Variants in CSMD1 observed in about 807,000 individuals in gnomAD.
The protein encoded by CSMD1 is CUB and sushi domain-containing protein 1.
A neutral mutation model predicts 417.5 loss-of-function variants in CSMD1; 213 were observed. That is an observed-to-expected ratio of 0.51 (90% confidence interval 0.46 to 0.57). CSMD1 has a LOEUF of 0.57. Ranked by LOEUF, CSMD1 falls within the 20% of genes least tolerant of loss-of-function variation. CSMD1 has a pLI of 0.00. For missense variants in CSMD1, 6,923 were observed against 4,529.7 expected (o/e 1.53, Z -15.17); for synonymous variants, 2,862 against 1,736.8 (o/e 1.65, Z -16.11).
intron 11 of CSMD1, among the ~76,000 whole-genome samples, chr8:3,490,510 G>A (rs1045027826): frequency 5.9e-5 from 9 of 152,124 alleles, no homozygotes; most frequent in Admixed American, 3.9e-4. Flanking sequence ...TAAATTAGGT[G>A]TTTTGGTAAT....
intron 7 of CSMD1, among the ~76,000 whole-genome samples, chr8:3,678,272 G>C (rs938981101): frequency 6.6e-6 from 1 of 152,112 alleles, no homozygotes; most frequent in Non-Finnish European, 1.5e-5. Flanking sequence ...CCATCGCAAA[G>C]AAGTTAAAAA....
intron 5 of CSMD1, among the ~76,000 whole-genome samples, chr8:3,786,967 C>T (rs957187341): frequency 6.6e-6 from 1 of 152,124 alleles, no homozygotes; most frequent in East Asian, 1.9e-4. Flanking sequence ...ATTCAATCCT[C>T]ATCATCTAGA....
At chr8:4,529,247 G>C (rs1219199092) in intron 2 of CSMD1, among the ~76,000 whole-genome samples, 1 of 152,044 alleles carries the variant, frequency 6.6e-6, no homozygotes, top group Non-Finnish European at 1.5e-5. Context: ...TTCTTATTCT[G>C]TTCGGAGTGG....
chr8:4,727,945 T>TATATATATGTATATATATACAAA (rs1281271460), intron 1 of CSMD1, among the ~76,000 whole-genome samples: 1 of 88,688 alleles, frequency 1.1e-5, no homozygotes, highest in Non-Finnish European at 2.2e-5. Flanking sequence ...ATATACAAAA[T>TATATATATGTATATATATACAAA]ATATATATGT....
chr8:4,405,467 G>T (rs766582824), intron 3 of CSMD1, among the ~76,000 whole-genome samples: 1 of 152,054 alleles, frequency 6.6e-6, no homozygotes, highest in African/African-American at 2.4e-5. Context: ...ATCTATAGTT[G>T]TGTTTGAAAG....
At chr8:4,405,383 A>G (rs955167506) in intron 3 of CSMD1, among the ~76,000 whole-genome samples, 5 of 152,094 alleles carry the variant, frequency 3.3e-5, no homozygotes, top group African/African-American at 1.2e-4. Context: ...GGCACAAACT[A>G]CTTGTTACCT....
intron 3 of CSMD1, among the ~76,000 whole-genome samples, chr8:4,049,864 T>G (rs1472818099): frequency 6.6e-6 from 1 of 151,950 alleles, no homozygotes; most frequent in Non-Finnish European, 1.5e-5. Flanking sequence ...CACTAAAGTC[T>G]TATTGAATTA....
chr8:4,544,509 T>A (rs17070576), intron 2 of CSMD1, among the ~76,000 whole-genome samples: 1 of 152,016 alleles, frequency 6.6e-6, no homozygotes, highest in Non-Finnish European at 1.5e-5. Flanking sequence ...ATATGTTACA[T>A]TGGGATCCAC....
chr8:4,627,939 A>C (rs956798326), intron 2 of CSMD1, among the ~76,000 whole-genome samples: 1 of 152,168 alleles, frequency 6.6e-6, no homozygotes, highest in East Asian at 1.9e-4. Context: ...GATGATCAGC[A>C]TCTCTAGATT....
chr8:3,645,357 G>C (rs772640348), intron 7 of CSMD1, among the ~76,000 whole-genome samples: 25 of 152,320 alleles, frequency 1.6e-4, no homozygotes, highest in African/African-American at 5.5e-4. Flanking sequence ...TCCTAATTGA[G>C]AAAAATGCTG....
chr8:3,589,508 A>G (rs1800752275), intron 8 of CSMD1, among the ~76,000 whole-genome samples: 1 of 152,136 alleles, frequency 6.6e-6, no homozygotes, highest in African/African-American at 2.4e-5. Context: ...AAATTATGCT[A>G]AGTAAAATGA....
intron 1 of CSMD1, among the ~76,000 whole-genome samples, chr8:4,810,922 A>T (rs1043849019): frequency 6.6e-6 from 1 of 152,224 alleles, no homozygotes; most frequent in African/African-American, 2.4e-5. Context: ...CCTCTCCTGA[A>T]ATATGAGATT....
At chr8:4,143,361 C>A (rs186302049) in intron 3 of CSMD1, among the ~76,000 whole-genome samples, 4 of 107,098 alleles carry the variant, frequency 3.7e-5, no homozygotes, top group African/African-American at 1.5e-4. Context: ...AATATAATGA[C>A]GTCTTATCCC....
chr8:3,097,006 T>A lies in CSMD1; in HGVS notation c.6981A>T (p.Gly2327=). ...AQCPANEVRT[G]SSGVILSPGY... Reference sequence around the variant, plus strand: ...CTGGACTGAGAATGACTCCCGATGATCCAGTCCGGACTTCATTTGCTGGGC... The same window carrying A: ...CTGGACTGAGAATGACTCCCGATGAACCAGTCCGGACTTCATTTGCTGGGC... The change falls in exon 47 of 70, where the codon GGA becomes GGT. Residue 2327 remains glycine (G), a synonymous_variant. Transcript: ENST00000635120. 1.3e-6 allele frequency: 2 copies of A among 1,554,562 alleles called. No homozygotes were observed. The highest frequency in any genetic ancestry group is 1.7e-6 in the Non-Finnish European group (2 of 1,148,498).
At chr8:3,268,208 G>A (rs1563205455) in intron 26 of CSMD1, among the ~76,000 whole-genome samples, 1 of 150,094 alleles carries the variant, frequency 6.7e-6, no homozygotes, top group Non-Finnish European at 1.5e-5. Flanking sequence ...GCTTCAGAAT[G>A]ATTACACTAG....
At chr8:4,286,913 A>C (rs1023879592) in intron 3 of CSMD1, among the ~76,000 whole-genome samples, 1 of 152,218 alleles carries the variant, frequency 6.6e-6, no homozygotes, top group African/African-American at 2.4e-5. Context: ...GATTCAAATG[A>C]ATCAGTTTTG....
At position 4,709,750 on chromosome 8, in the gene CSMD1, A is replaced by G. The variant is rs1018456274; in HGVS notation, c.86-72192T>C. ...GGAAGGCTGGGTGCAGGTGAGCTCC[A>G]TCAGTGCGTCCCTATGGCTCCCAGG... On this transcript the variant is annotated intron_variant, in intron 1 of 69. Coordinates refer to ENST00000635120, the MANE Select transcript of CSMD1 (RefSeq NM_033225.6). Among the ~76,000 whole-genome samples the G allele has an allele frequency of 4.6e-5, 7 of 152,320 alleles. No homozygotes were observed. In the East Asian group the frequency reaches 1.3e-3, roughly 29 times the overall value.
At chr8:3,941,130 TAC>T (rs761739297) in intron 5 of CSMD1, among the ~76,000 whole-genome samples, 25 of 152,212 alleles carry the variant, frequency 1.6e-4, no homozygotes, top group Non-Finnish European at 3.1e-4. Context: ...CTCATATGTA[TAC>T]AGTTAAGAAG....
intron 12 of CSMD1, among the ~76,000 whole-genome samples, chr8:3,424,753 A>C (rs1813714751): frequency 1.3e-5 from 2 of 152,318 alleles, no homozygotes; most frequent in South Asian, 2.1e-4. Context: ...AAGGAACCAC[A>C]GTGTTTGTGT....
Sources: allele counts gnomAD v4.1 joint callset (sites outside exome capture counted in the v4.1 genomes callset), GRCh38; gene constraint gnomAD v4.1.1; transcripts MANE v1.5; gene names NCBI Gene and HGNC (gene_info 2026-07-23, HGNC 2026-07-21).